CCDC30: variants seen among roughly 807,000 people sequenced by gnomAD.
CCDC30 encodes the protein coiled-coil domain containing 30.
A neutral mutation model predicts 100.2 loss-of-function variants in CCDC30; 70 were observed. The ratio of observed to expected loss-of-function variants is 0.70; its 90% confidence interval spans 0.58 to 0.85. The LOEUF (loss-of-function observed/expected upper bound fraction) is 0.85. Among genes scored for constraint, CCDC30 ranks in the 40% least tolerant of loss-of-function variants. CCDC30 has a pLI of 0.00. For missense variants in CCDC30, 652 were observed against 771.2 expected, an observed-to-expected ratio of 0.85 and a Z score of 1.83; for synonymous variants, 233 against 269.5, an observed-to-expected ratio of 0.86 and a Z score of 1.33.
chr1:42,472,769 C>T lies in CCDC30; in HGVS notation c.-91-7692C>T, dbSNP rs79144164. Among the ~76,000 whole-genome samples the T allele has an allele frequency of 3.9e-3, 590 of 152,012 alleles. 1 individual carries two copies. Among genetic ancestry groups the T allele is most frequent in the African/African-American group, 0.013 (521 of 41,428 alleles). On this transcript the variant is annotated intron_variant, in intron 1 of 16. Transcript: ENST00000668663. ...TTACCAGCTGTTTCATTTAAGTGCT[C>T]ATAACTAGATAACAACAGGAAAAGT... is the stretch of plus-strand genomic sequence containing the variant.
intron 6 of CCDC30, among the ~76,000 whole-genome samples, chr1:42,513,211 G>A (rs1644506307): frequency 6.6e-6 from 1 of 152,170 alleles, no homozygotes; most frequent in Admixed American, 6.5e-5. Flanking sequence ...GCAGAAGAAA[G>A]GAGAGAGGAG....
intron 9 of CCDC30, among the ~76,000 whole-genome samples, chr1:42,584,230 A>G (rs573829032): frequency 6.6e-6 from 1 of 152,324 alleles, no homozygotes; most frequent in Admixed American, 6.5e-5. Flanking sequence ...GGGAAACTAG[A>G]CAAGTCAAAA....
intron 11 of CCDC30, among the ~76,000 whole-genome samples, chr1:42,619,497 A>G (rs913119426): frequency 6.6e-6 from 1 of 152,218 alleles, no homozygotes; most frequent in African/African-American, 2.4e-5. Context: ...CCAGTCTCCA[A>G]TGAGGTATAG....
At chr1:42,470,886 G>C (rs1451106776) in intron 1 of CCDC30, among the ~76,000 whole-genome samples, 1 of 152,072 alleles carries the variant, frequency 6.6e-6, no homozygotes, top group Non-Finnish European at 1.5e-5. Context: ...TTGTGGTGAT[G>C]GTTAGACAAC....
At chr1:42,468,913 G>A (rs1172826469) in intron 1 of CCDC30, among the ~76,000 whole-genome samples, 1 of 152,048 alleles carries the variant, frequency 6.6e-6, no homozygotes, top group Non-Finnish European at 1.5e-5. Flanking sequence ...TCCTGGAAAT[G>A]GCAGCATTTG....
At chr1:42,478,962 TC>T (rs773939450) in intron 1 of CCDC30, among the ~76,000 whole-genome samples, 4 of 152,312 alleles carry the variant, frequency 2.6e-5, no homozygotes, top group African/African-American at 4.8e-5. Context: ...ACAAACTGAT[TC>T]TAAAGTTGAT....
Position 42,478,727 on chromosome 1 carries a change from C to T in CCDC30, c.-91-1734C>T, listed in dbSNP as rs147689044. 3.1e-3 allele frequency among the ~76,000 whole-genome samples: 475 copies of T among 152,214 alleles called. 3 individuals carry two copies. The highest frequency in any genetic ancestry group is 0.011 in the African/African-American group (442 of 41,530). ...TGAGCCTTGATTGCATCACTGCACT[C>T]CAGCCTGGGGAACGGAGTGAGATCC... On this transcript the variant is annotated intron_variant, in intron 1 of 16. Transcript: ENST00000668663.
At chr1:42,551,015 C>G (rs1375607631) in intron 6 of CCDC30, among the ~76,000 whole-genome samples, 1 of 151,970 alleles carries the variant, frequency 6.6e-6, no homozygotes, top group Non-Finnish European at 1.5e-5. Context: ...GGTACATGTG[C>G]ACAATGTGCT....
At chr1:42,473,457 C>G (rs1479370046) in intron 1 of CCDC30, 1 of 405,432 alleles carries the variant, frequency 2.5e-6, no homozygotes, top group African/African-American at 2.1e-5. Flanking sequence ...TGAAACATGG[C>G]AACAGTCTGT....
At position 42,555,719 on chromosome 1, in the gene CCDC30, C is replaced by T. The variant is rs140446705; in HGVS notation, c.457-10577C>T. ...TTTTATTTTTTGAGACACAGTCTCA[C>T]TCTGTCACCCAGGCTGGAGTGCAGT... On this transcript the variant is annotated intron_variant, in intron 6 of 16. Coordinates refer to ENST00000668663, the Ensembl canonical transcript of CCDC30. Among the ~76,000 whole-genome samples the T allele has an allele frequency of 3.1e-3, 474 of 152,314 alleles. 3 individuals are homozygous for T. In the South Asian group the frequency reaches 0.033, roughly 11 times the overall value.
chr1:42,589,658 G>A lies in CCDC30; in HGVS notation c.1164+175G>A, dbSNP rs533171105. Reference sequence around the variant, plus strand: ...AAGAGATTTAACACAGGGAATAAGAGCTTACAAAACAGTTGGAAGGGACCA... The same window carrying A: ...AAGAGATTTAACACAGGGAATAAGAACTTACAAAACAGTTGGAAGGGACCA... On this transcript the variant is annotated intron_variant, in intron 10 of 16. Coordinates refer to ENST00000668663, the Ensembl canonical transcript of CCDC30. The A allele has an allele frequency of 1.1e-5, 6 of 546,696 alleles. No homozygotes were observed. The East Asian group carries it at 1.8e-4, about 16-fold the overall frequency. The allele number at this position is 546,696 out of a possible 1,614,324, so 33.9% of individuals were successfully genotyped here.
intron 6 of CCDC30, among the ~76,000 whole-genome samples, chr1:42,547,275 T>C (rs1645163334): frequency 6.6e-6 from 1 of 152,142 alleles, no homozygotes; most frequent in Non-Finnish European, 1.5e-5. Context: ...AACAGTGTCT[T>C]ACAGGATTTT....
chr1:42,554,400 C>T (rs528521327), intron 6 of CCDC30, among the ~76,000 whole-genome samples: 201 of 151,958 alleles, frequency 1.3e-3, no homozygotes, highest in African/African-American at 4.6e-3. Flanking sequence ...GCCTCAGCCT[C>T]CCAAGTAGCT....
chr1:42,522,426 T>A (rs1644662586), intron 6 of CCDC30, among the ~76,000 whole-genome samples: 1 of 152,222 alleles, frequency 6.6e-6, no homozygotes. Context: ...CCCCACTTAT[T>A]TCCTGCATTA....
chr1:42,598,374 T>G (rs1646334968), intron 10 of CCDC30, among the ~76,000 whole-genome samples: 2 of 137,032 alleles, frequency 1.5e-5, no homozygotes, highest in Non-Finnish European at 1.5e-5. Flanking sequence ...ATATATTAGC[T>G]GGATGTGGTG....
At chr1:42,460,151 A>G (rs149975288), upstream of CCDC30, 1 of 1,265,914 alleles carries the variant, frequency 7.9e-7, no homozygotes, top group East Asian at 3.2e-5. Flanking sequence ...TTTAAAAAGA[A>G]GAGCTTATTG....
rs141856378 is a variant in CCDC30, at chr1:42,545,344, CT to C, written c.457-20945del. 5,774 of 1,309,508 alleles carry C rather than the reference CT, an allele frequency of 4.4e-3. 222 individuals are homozygous for C. The African/African-American group carries it at 0.078, about 18-fold the overall frequency. The allele number at this position is 1,309,508 out of a possible 1,614,324, so 81.1% of individuals were successfully genotyped here. A position where few individuals can be genotyped will look rare whatever the true frequency, so the allele number is the denominator to read the frequency against. The stretch of plus-strand genomic sequence containing the variant: ...TTAAGCATTTAATGAAATCAGTATA[CT>C]TTTTTTCACAGCTATAAATAAAAGT... On this transcript the variant is annotated intron_variant, in intron 6 of 16. Transcript: ENST00000668663.
intron 4 of CCDC30, chr1:42,492,216 C>T: frequency 4.6e-6 from 1 of 217,442 alleles, no homozygotes; most frequent in Non-Finnish European, 9.3e-6. Flanking sequence ...TCTGCGAAAT[C>T]CAGAAGAAAA....
chr1:42,622,424 A>G (rs1646856393), intron 11 of CCDC30, among the ~76,000 whole-genome samples: 1 of 152,200 alleles, frequency 6.6e-6, no homozygotes, highest in African/African-American at 2.4e-5. Context: ...TCTTCGATAT[A>G]CTGATTTCCT....
Sources: gnomAD v4.1 joint callset for allele counts (sites outside exome capture counted in the v4.1 genomes callset) on GRCh38, gnomAD v4.1.1 for gene constraint, MANE v1.5 for transcripts, NCBI Gene and HGNC (gene_info 2026-07-23, HGNC 2026-07-21) for gene names.